Variants in PM20D2 observed in about 807,000 individuals in gnomAD.
PM20D2 encodes the protein peptidase M20 domain containing 2.
A neutral mutation model predicts 42.9 loss-of-function variants in PM20D2; 33 were observed. The observed-to-expected ratio is 0.77, with a 90% CI of 0.58 to 1.03. PM20D2 has a LOEUF of 1.03. Ranked by LOEUF, PM20D2 falls within the 50% of genes least tolerant of loss-of-function variation. PM20D2 has a pLI of 0.00. For synonymous variants in PM20D2, 250 were observed against 228.2 expected (o/e 1.10, Z -0.86); for missense variants, 548 against 557.0 (o/e 0.98, Z 0.16).
the PM20D2 span, among the ~76,000 whole-genome samples, chr6:89,109,050 T>C: frequency 4.6e-5 from 7 of 152,184 alleles, no homozygotes; most frequent in Non-Finnish European, 8.8e-5. Context: ...GCACCTACCA[T>C]GTGCCAGGCT....
At chr6:89,117,500 G>T in the PM20D2 span, among the ~76,000 whole-genome samples, 1 of 152,212 alleles carries the variant, frequency 6.6e-6, no homozygotes, top group African/African-American at 2.4e-5. Context: ...TCCCGGCGGG[G>T]AGCGACCTGA....
At position 89,165,223 on chromosome 6, in the gene PM20D2, A is replaced by C. The variant is rs1771380506; in HGVS notation, c.*2960A>C. Reference sequence around the variant, plus strand: ...GTCTGATGGTGTTTTATACATTTCTAACTTTTTACCTGAGTTATCTCTTTA... The same window carrying C: ...GTCTGATGGTGTTTTATACATTTCTCACTTTTTACCTGAGTTATCTCTTTA... On this transcript the variant is annotated 3_prime_UTR_variant, in exon 7 of 7. Coordinates refer to ENST00000275072, the MANE Select transcript of PM20D2 (RefSeq NM_001010853.3). 6.6e-6 allele frequency: 1 copy of C among 151,960 alleles called. No individual in the cohort carries two copies. Among genetic ancestry groups the C allele is most frequent in the South Asian group, 2.1e-4 (1 of 4,826 alleles). 9.4% of individuals were successfully genotyped at this position (151,960 alleles called of 1,614,324 possible).
rs1440282511 is a variant in PM20D2 at position 89,162,453 on chromosome 6, C to A, written c.*190C>A. 3 of 533,252 alleles carry A rather than the reference C, an allele frequency of 5.6e-6. No individual in the cohort carries two copies. The highest frequency in any genetic ancestry group is 3.8e-5 in the African/African-American group (2 of 52,118). 33.0% of individuals were successfully genotyped at this position (533,252 alleles called of 1,614,324 possible). The stretch of plus-strand genomic sequence containing the variant: ...AAGTGAAAATTTTTGCAAATCCGTA[C>A]TTGATAGGATTATGATATTACAGGA... On this transcript the variant is annotated 3_prime_UTR_variant, in exon 7 of 7. Transcript: ENST00000275072.
At chr6:89,161,109 G>A (rs371162250) in intron 5 of PM20D2, among the ~76,000 whole-genome samples, 27 of 152,292 alleles carry the variant, frequency 1.8e-4, no homozygotes, top group Middle Eastern at 6.8e-3. Flanking sequence ...TGCAAAGAGC[G>A]TTAGGATTCT....
Position 89,146,308 on chromosome 6 carries a change from A to C in PM20D2, c.164A>C (p.Glu55Ala). The C allele has an allele frequency of 7.6e-6, 12 of 1,581,280 alleles. No individual in the cohort carries two copies. The highest frequency in any genetic ancestry group is 1.0e-5 in the Non-Finnish European group (12 of 1,171,966). The change falls in exon 1 of 7, where the codon GAG becomes GCG. Residue 55 changes from glutamate (E) to alanine (A), a missense_variant. Around this residue, in one of 3 missense-constraint regions of PM20D2, gnomAD observed 470 missense variants for 464.4 expected, o/e 1.01. Coordinates refer to ENST00000275072, the MANE Select transcript of PM20D2 (RefSeq NM_001010853.3). ...IWSQPELAYE[E>A]HHAHRVLTHF... The stretch of plus-strand genomic sequence containing the variant: ...AGCCAGCCCGAGCTGGCCTACGAGG[A>C]GCACCATGCCCACCGCGTGCTGACG...
At chr6:89,142,405 T>TGA (rs146123409), upstream of PM20D2, among the ~76,000 whole-genome samples, 1,017 of 152,324 alleles carry the variant, frequency 6.7e-3, 13 homozygotes, top group African/African-American at 0.024. Flanking sequence ...AGTGACACTG[T>TGA]GATTTGCTTC....
the PM20D2 span, chr6:89,106,987 TG>T: frequency 1.6e-5 from 12 of 727,350 alleles, no homozygotes; most frequent in Admixed American, 4.1e-5. Context: ...TGGTTCAAAC[TG>T]GGGGGTGCTT....
the PM20D2 span, among the ~76,000 whole-genome samples, chr6:89,102,208 A>G: frequency 2.0e-5 from 3 of 152,062 alleles, no homozygotes; most frequent in African/African-American, 7.2e-5. Flanking sequence ...CAGTGGGGCG[A>G]GCTTGGCTCA....
chr6:89,094,157 G>A, the PM20D2 span, among the ~76,000 whole-genome samples: 2 of 151,306 alleles, frequency 1.3e-5, no homozygotes, highest in Non-Finnish European at 2.9e-5. Context: ...CTGACCTCAA[G>A]CGATCTGCTC....
At chr6:89,158,610 C>A in intron 5 of PM20D2, 150 bp downstream of exon 5, 2 of 795,570 alleles carry the variant, frequency 2.5e-6, no homozygotes, top group Non-Finnish European at 3.9e-6. Context: ...GGGAAAGAAA[C>A]TAATGGACTC....
chr6:89,112,712 C>T, the PM20D2 span, among the ~76,000 whole-genome samples: 2 of 151,896 alleles, frequency 1.3e-5, no homozygotes, highest in Admixed American at 6.6e-5. Context: ...GAGCCTGGCC[C>T]TAGTCTCATT....
Position 89,158,511 on chromosome 6 carries a change from A to G in PM20D2, c.1048+51A>G, listed in dbSNP as rs1035574215. 3.2e-6 allele frequency: 5 copies of G among 1,569,934 alleles called. No individual in the cohort carries two copies. In the African/African-American group the frequency reaches 4.1e-5, roughly 13 times the overall value. On this transcript the variant is annotated intron_variant, in intron 5 of 6. Coordinates refer to ENST00000275072, the MANE Select transcript of PM20D2 (RefSeq NM_001010853.3). The stretch of plus-strand genomic sequence containing the variant: ...GAGCTATTTGAGGAAGAGAAATACC[A>G]TCTTTGGTTAAATTGGTTGTATTTA...
Position 89,146,422 on chromosome 6 carries a change from C to T in PM20D2, c.278C>T (p.Pro93Leu). ...LPTAFRAEWEPPEARAPSATP... is the reference protein window; with the variant it reads ...LPTAFRAEWELPEARAPSATP... ...ACGGCCTTCCGCGCCGAGTGGGAGC[C>T]GCCGGAGGCCCGGGCACCGAGCGCC... Residue 93 changes from proline (P) to leucine (L), a missense_variant, in exon 1 of 7, where the codon CCG becomes CTG. By Grantham distance (98) the Pro-to-Leu change is moderately conservative. Transcript: ENST00000275072. The T allele has an allele frequency of 1.3e-6, 2 of 1,523,648 alleles. No individual in the cohort carries two copies. Among genetic ancestry groups the T allele is most frequent in the Non-Finnish European group, 1.8e-6 (2 of 1,142,638 alleles). 94.4% of individuals were successfully genotyped at this position (1,523,648 alleles called of 1,614,324 possible).
intron 4 of PM20D2, 75 bp downstream of exon 4, chr6:89,154,977 T>C (rs1476458075): frequency 8.1e-7 from 1 of 1,240,940 alleles, no homozygotes; most frequent in Non-Finnish European, 1.1e-6. Flanking sequence ...GATTGAAATC[T>C]AACTTGACTC....
intron 1 of PM20D2, 81 bp downstream of exon 1, chr6:89,146,690 C>G (rs923284031): frequency 3.5e-5 from 42 of 1,194,426 alleles, no homozygotes; most frequent in Non-Finnish European, 4.4e-5. Flanking sequence ...TCTCGTGCGT[C>G]CCGCGCGCCT....
chr6:89,153,182 C>A lies in PM20D2; in HGVS notation c.754C>A (p.His252Asn). ...GCAAATGAAACCAACCTGGAGAGTT[C>A]ATGGTATGAATGTCAAATACCTTCT... ...RQQMKPTWRV[H>N]GIIKNGGVKP... Residue 252 changes from histidine to asparagine, a missense_variant, in exon 3 of 7, where the codon CAT (histidine) becomes AAT (asparagine). Physicochemically the swap from His to Asn is moderately conservative, Grantham distance 68. Transcript: ENST00000275072. 6.3e-7 allele frequency: 1 copy of A among 1,592,858 alleles called. No individual in the cohort carries two copies.
chr6:89,153,450 G>A (rs1770924116), intron 3 of PM20D2, among the ~76,000 whole-genome samples: 1 of 151,986 alleles, frequency 6.6e-6, no homozygotes, highest in South Asian at 2.1e-4. Context: ...GTAAGGGGCT[G>A]TGTTCTTTCG....
At chr6:89,136,407 G>A in the PM20D2 span, among the ~76,000 whole-genome samples, 50 of 151,442 alleles carry the variant, frequency 3.3e-4, 2 homozygotes, top group Middle Eastern at 0.01. Context: ...GCCGGGCGCA[G>A]TGGCTCACGC....
chr6:89,130,816 C>CTGCT, the PM20D2 span, among the ~76,000 whole-genome samples: 4 of 50,954 alleles, frequency 7.9e-5, no homozygotes, highest in African/African-American at 3.2e-4. Flanking sequence ...CTGGCTTCTT[C>CTGCT]TTCTTTTTTT....
Sources: allele counts gnomAD v4.1 joint callset (sites outside exome capture counted in the v4.1 genomes callset), GRCh38; gene constraint gnomAD v4.1.1; regional missense constraint gnomAD v4.1.1; transcripts MANE v1.5; gene names NCBI Gene and HGNC (gene_info 2026-07-23, HGNC 2026-07-21).